FXYD5: variants seen among roughly 807,000 people sequenced by gnomAD.
FXYD5 encodes the protein FXYD domain containing ion transport regulator 5.
FXYD5 carries 21 observed loss-of-function variants against 25.7 expected under a neutral mutation model. The observed-to-expected ratio is 0.82, with a 90% CI of 0.58 to 1.18. The LOEUF (loss-of-function observed/expected upper bound fraction) is 1.18, where lower values mean the gene tolerates loss of function less well. FXYD5 is among the 50% of genes most tolerant of loss of function. The probability of loss-of-function intolerance (pLI) is 0.00; values close to 1 mark genes in which losing one functional copy is unlikely to be tolerated. For synonymous variants in FXYD5, 101 were observed against 90.7 expected (o/e 1.11, Z -0.64); for missense variants, 229 against 227.7 (o/e 1.01, Z -0.04).
chr19:35,156,091 G>A (rs1440614697), intron 2 of FXYD5, among the ~76,000 whole-genome samples: 1 of 152,192 alleles, frequency 6.6e-6, no homozygotes, highest in Admixed American at 6.5e-5. Context: ...TGTGTGGCAG[G>A]TGTGGTGTGT....
intron 4 of FXYD5, chr19:35,159,643 T>A: frequency 6.5e-7 from 1 of 1,549,614 alleles, no homozygotes; most frequent in Non-Finnish European, 8.7e-7. Flanking sequence ...CAAACGCACT[T>A]GGAATATGTA....
rs559628659 is a variant in FXYD5, at chr19:35,157,630, A to G, written c.142+129A>G. The G allele has an allele frequency of 3.1e-5, 18 of 587,092 alleles. No homozygotes were observed. In the Admixed American group the frequency reaches 3.8e-4, roughly 12 times the overall value. 36.4% of individuals were successfully genotyped at this position (587,092 alleles called of 1,614,324 possible). ...CGAAAAAGTCCAGGTACAGACCTTC[A>G]GGCATGGCTTGATCTAGGTGCTCAA... On this transcript the variant is annotated intron_variant, in intron 3 of 8. Coordinates refer to ENST00000392219, the MANE Select transcript of FXYD5 (RefSeq NM_014164.6).
chr19:35,157,548 A>G (rs748757453), intron 3 of FXYD5, 47 bp downstream of exon 3: 1 of 957,576 alleles, frequency 1.0e-6, no homozygotes, highest in Non-Finnish European at 1.7e-6. Flanking sequence ...TGCAAATAAC[A>G]ACAGCAACAA....
At position 35,158,368 on chromosome 19, in the gene FXYD5, C is replaced by A; in HGVS notation, c.167C>A (p.Pro56His). 6.2e-7 allele frequency: 1 copy of A among 1,608,216 alleles called. No homozygotes were observed. Among genetic ancestry groups the A allele is most frequent in the Non-Finnish European group, 8.5e-7 (1 of 1,174,778 alleles). The change falls in exon 4 of 9, where the codon CCC becomes CAC. Residue 56 changes from proline (P) to histidine (H), a missense_variant. By Grantham distance (77) the Pro-to-His change is moderately conservative. Coordinates refer to ENST00000392219, the MANE Select transcript of FXYD5 (RefSeq NM_014164.6). The part of the protein sequence containing the change: ...APDAVYTELQ[P>H]TSPTPTWPAD... ...GATGCAGTCTACACAGAACTCCAGC[C>A]CACCTCTCCAACCCCAACCTGGCCT...
rs1477477976 is a variant in FXYD5 at position 35,155,505 on chromosome 19, G to T, written c.1-46G>T. On this transcript the variant is annotated intron_variant, in intron 1 of 8. Coordinates refer to ENST00000392219, the MANE Select transcript of FXYD5 (RefSeq NM_014164.6). ...GATCCCCGGGGGCTGCCGGAGGTCG[G>T]TCTCACTGACATCATGGCTGACCCC... is the stretch of plus-strand genomic sequence containing the variant. The T allele has an allele frequency of 2.6e-6, 4 of 1,529,128 alleles. No homozygotes were observed. In the East Asian group the frequency reaches 9.0e-5, roughly 34 times the overall value. 94.7% of individuals were successfully genotyped at this position (1,529,128 alleles called of 1,614,324 possible).
At chr19:35,159,424 T>A in intron 4 of FXYD5, 1 of 1,496,656 alleles carries the variant, frequency 6.7e-7, no homozygotes. Context: ...CAGCTTGCTT[T>A]GTTTCTTCGT....
intron 3 of FXYD5, among the ~76,000 whole-genome samples, chr19:35,157,864 C>G (rs746160336): frequency 1.8e-4 from 28 of 152,282 alleles, no homozygotes; most frequent in Admixed American, 3.3e-4. Context: ...AGGCTCAGGT[C>G]GTATCCCTGA....
At chr19:35,161,255 T>C (rs2065403532) in intron 5 of FXYD5, among the ~76,000 whole-genome samples, 1 of 6,492 alleles carries the variant, frequency 1.5e-4, no homozygotes, top group Admixed American at 1.4e-3. Flanking sequence ...CACAAAAGAA[T>C]GATTGGCTAT....
At chr19:35,162,683 C>A (rs574211992) in intron 5 of FXYD5, among the ~76,000 whole-genome samples, 3 of 152,178 alleles carry the variant, frequency 2.0e-5, no homozygotes, top group Non-Finnish European at 4.4e-5. Context: ...AAAATACCAT[C>A]ACATGGAATT....
intron 8 of FXYD5, among the ~76,000 whole-genome samples, chr19:35,168,009 AGGGGTTCAAGACCAGCAT>A (rs945248748): frequency 5.3e-5 from 8 of 152,084 alleles, no homozygotes; most frequent in Admixed American, 1.3e-4. Flanking sequence ...GCTTGAGCCC[AGGGGTTCAAGACCAGCAT>A]GGGCAAAATA....
intron 5 of FXYD5, 97 bp from the exon 6 acceptor site, chr19:35,164,059 G>C (rs762660499): frequency 1.3e-6 from 2 of 1,589,976 alleles, no homozygotes; most frequent in Admixed American, 1.8e-5. Flanking sequence ...GTAGATGTGG[G>C]AGAGGGGTTT....
intron 8 of FXYD5, among the ~76,000 whole-genome samples, chr19:35,168,977 C>T (rs922322462): frequency 2.0e-5 from 3 of 151,648 alleles, no homozygotes; most frequent in Admixed American, 6.6e-5. Flanking sequence ...GCGGGAGAAT[C>T]GCTTGAATCC....
intron 2 of FXYD5, among the ~76,000 whole-genome samples, chr19:35,156,285 C>T (rs556769256): frequency 5.3e-5 from 8 of 152,332 alleles, no homozygotes; most frequent in South Asian, 2.1e-4. Context: ...CCACTGAAGG[C>T]GCCCTCATTT....
intron 4 of FXYD5, among the ~76,000 whole-genome samples, chr19:35,158,756 C>T (rs1045174559): frequency 5.3e-5 from 8 of 152,080 alleles, no homozygotes; most frequent in African/African-American, 1.7e-4. Context: ...TTATTTCTTC[C>T]TTTCATCTCT....
chr19:35,159,803 C>T, intron 4 of FXYD5: 2 of 845,060 alleles, frequency 2.4e-6, no homozygotes, highest in African/African-American at 1.7e-5. Flanking sequence ...GGTCTCACAA[C>T]AAGTCAGGGA....
In FXYD5 at chr19:35,160,020, A is replaced by T. The variant is rs961020145; in HGVS notation, c.200-689A>T. 3.3e-5 allele frequency: 6 copies of T among 184,190 alleles called. No homozygotes were observed. The East Asian group carries it at 9.9e-4, about 30-fold the overall frequency. The allele number at this position is 184,190 out of a possible 1,614,324, so 11.4% of individuals were successfully genotyped here. On this transcript the variant is annotated intron_variant, in intron 4 of 8. Transcript: ENST00000392219. ...CCAGGAATTTGAGACCAGCCTGGAC[A>T]ACACAGCAAAACCTATTCTCTACAA...
chr19:35,168,795 G>GTACA lies in FXYD5; in HGVS notation c.488-770_488-769insACAT, dbSNP rs1268178338. Among the ~76,000 whole-genome samples the GTACA allele has an allele frequency of 1.1e-4, 17 of 152,276 alleles. No homozygotes were observed. The East Asian group carries it at 3.1e-3, about 28-fold the overall frequency. On this transcript the variant is annotated intron_variant, in intron 8 of 8. Coordinates refer to ENST00000392219, the MANE Select transcript of FXYD5 (RefSeq NM_014164.6). The stretch of plus-strand genomic sequence containing the variant: ...GTCACCTCCTTGGCAGGCCACAGTG[G>GTACA]TTCACGTATGTAATCCCAGGACTTT...
chr19:35,158,130 C>A (rs772796099), intron 3 of FXYD5, among the ~76,000 whole-genome samples: 7 of 152,170 alleles, frequency 4.6e-5, no homozygotes, highest in Non-Finnish European at 8.8e-5. Flanking sequence ...GAAGAAGGAG[C>A]TGTAGTGTGG....
At chr19:35,160,967 T>G (rs1172312564) in intron 5 of FXYD5, among the ~76,000 whole-genome samples, 166 bp downstream of exon 5, 1 of 152,214 alleles carries the variant, frequency 6.6e-6, no homozygotes, top group East Asian at 1.9e-4. Context: ...GAACCCTGAG[T>G]TAAAGTTAAC....
Sources: allele counts gnomAD v4.1 joint callset (sites outside exome capture counted in the v4.1 genomes callset), GRCh38; gene constraint gnomAD v4.1.1; transcripts MANE v1.5; gene names NCBI Gene and HGNC (gene_info 2026-07-23, HGNC 2026-07-21).